The following TYW1 variants were observed in gnomAD, a reference collection of about 807,000 sequenced individuals.
TYW1 encodes tRNA-yW synthesizing protein 1 homolog, also known as S-adenosyl-L-methionine-dependent tRNA 4-demethylwyosine synthase TYW1.
In TYW1, 46 loss-of-function variants were observed where a neutral mutation model predicts 96.2. The ratio of observed to expected loss-of-function variants is 0.48; its 90% CI spans 0.38 to 0.61. The LOEUF (loss-of-function observed/expected upper bound fraction) is 0.61. Ranked by LOEUF, TYW1 falls within the 20% of genes least tolerant of loss-of-function variation. The probability of loss-of-function intolerance (pLI) is 0.00; values close to 1 mark genes in which losing one functional copy is unlikely to be tolerated. For synonymous variants in TYW1, 274 were observed against 323.0 expected (o/e 0.85, Z 1.63); for missense variants, 684 against 909.6 (o/e 0.75, Z 3.19).
intron 15 of TYW1, among the ~76,000 whole-genome samples, chr7:67,200,938 A>C (rs1054106177): frequency 2.0e-5 from 3 of 152,160 alleles, no homozygotes; most frequent in Non-Finnish European, 4.4e-5. Context: ...GGATGGCTGA[A>C]GGTCAAGAGA....
At chr7:67,113,599 G>A (rs182903655) in intron 12 of TYW1, among the ~76,000 whole-genome samples, 1 of 151,836 alleles carries the variant, frequency 6.6e-6, no homozygotes, top group East Asian at 1.9e-4. Context: ...TCTCCTTGAC[G>A]CTTACTGTTT....
chr7:67,083,485 A>G lies in TYW1; in HGVS notation c.1330A>G (p.Met444Val), dbSNP rs1481517523. 4.3e-6 allele frequency: 7 copies of G among 1,614,172 alleles called. No individual in the cohort carries two copies. The highest frequency in any genetic ancestry group is 2.2e-5 in the East Asian group (1 of 44,876). ...EWRWKMDQPE[M>V]ILKEAIENHQ... Reference sequence around the variant, plus strand: ...GCGGTGGAAGATGGACCAGCCTGAAATGATCTTGAAGGAAGCCATTGAAAA... The same window carrying G: ...GCGGTGGAAGATGGACCAGCCTGAAGTGATCTTGAAGGAAGCCATTGAAAA... Residue 444 changes from methionine (M) to valine (V), a missense_variant, in exon 11 of 16, where the codon ATG becomes GTG. By Grantham distance (21) the Met-to-Val change is conservative (BLOSUM62 1). Transcript: ENST00000359626.
At chr7:67,008,228 G>T (rs1793670508) in intron 3 of TYW1, among the ~76,000 whole-genome samples, 2 of 152,176 alleles carry the variant, frequency 1.3e-5, no homozygotes, top group Admixed American at 1.3e-4. Flanking sequence ...GTTTCTGGCC[G>T]TGTCTTCTCC....
At chr7:67,064,219 C>T (rs1341216776) in intron 9 of TYW1, among the ~76,000 whole-genome samples, 2 of 152,258 alleles carry the variant, frequency 1.3e-5, no homozygotes, top group East Asian at 3.9e-4. Flanking sequence ...TTGAAAGACA[C>T]AGGCCCTAGA....
chr7:67,142,977 C>CG (rs1361052419), intron 13 of TYW1, among the ~76,000 whole-genome samples: 1 of 150,504 alleles, frequency 6.6e-6, no homozygotes, highest in East Asian at 2.0e-4. Context: ...CTCTTGAACC[C>CG]GGGGGGCGGA....
At chr7:67,005,087 T>G (rs1194909692) in intron 3 of TYW1, among the ~76,000 whole-genome samples, 1 of 152,134 alleles carries the variant, frequency 6.6e-6, no homozygotes, top group Non-Finnish European at 1.5e-5. Flanking sequence ...ATGCTCAATA[T>G]AGGCCCCAAT....
At chr7:67,143,093 T>C (rs1798501501) in intron 13 of TYW1, among the ~76,000 whole-genome samples, 1 of 152,120 alleles carries the variant, frequency 6.6e-6, no homozygotes, top group Non-Finnish European at 1.5e-5. Flanking sequence ...AGTGGTTTGC[T>C]TCTTAGAATA....
At chr7:67,209,249 C>T (rs1800916321) in intron 15 of TYW1, among the ~76,000 whole-genome samples, 3 of 152,176 alleles carry the variant, frequency 2.0e-5, no homozygotes, top group Non-Finnish European at 4.4e-5. Context: ...AGGAGATGAC[C>T]ACAGTTGCCT....
chr7:67,121,408 G>A (rs1797756610), intron 13 of TYW1, among the ~76,000 whole-genome samples: 1 of 152,146 alleles, frequency 6.6e-6, no homozygotes, highest in African/African-American at 2.4e-5. Context: ...AGGAGTGGTG[G>A]CAGGTACCTG....
rs1447932128 is a variant in TYW1, at chr7:67,062,575, A to AAAAAAAAAAG, written c.1156-4704_1156-4703insAAAGAAAAAA. The stretch of plus-strand genomic sequence containing the variant: ...GAGCGAGACTCCGTCTCAAAAAAAA[A>AAAAAAAAAAG]AAAAAAGAAAAGAAAACACAAATCA... On this transcript the variant is annotated intron_variant, in intron 9 of 15. Coordinates refer to ENST00000359626, the MANE Select transcript of TYW1 (RefSeq NM_018264.4). 3.0e-3 allele frequency among the ~76,000 whole-genome samples: 453 copies of AAAAAAAAAAG among 151,064 alleles called. 7 individuals carry two copies. Among genetic ancestry groups the AAAAAAAAAAG allele is most frequent in the African/African-American group, 0.01 (424 of 41,154 alleles).
intron 6 of TYW1, among the ~76,000 whole-genome samples, chr7:67,021,132 T>A (rs1794248263): frequency 6.6e-6 from 1 of 152,300 alleles, no homozygotes; most frequent in Non-Finnish European, 1.5e-5. Context: ...CCTAGGGGAT[T>A]GTCATACGTT....
chr7:67,117,718 C>T (rs1260790098), intron 13 of TYW1, 100 bp downstream of exon 13: 15 of 1,309,094 alleles, frequency 1.1e-5, no homozygotes, highest in Non-Finnish European at 1.4e-5. Context: ...GGTACTTTTT[C>T]CTCTTTTCTC....
chr7:67,038,112 C>T lies in TYW1; in HGVS notation c.985-11837C>T, dbSNP rs1249879170. On this transcript the variant is annotated intron_variant, in intron 7 of 15. Transcript: ENST00000359626. ...GGTCAGGAGTTCGAGACCAGCCTGG[C>T]TAACATGGTGAAACCCTGTCTCTAC... is the stretch of plus-strand genomic sequence containing the variant. Among the ~76,000 whole-genome samples the T allele has an allele frequency of 3.3e-5, 5 of 150,652 alleles. No individual in the cohort carries two copies. The South Asian group carries it at 8.4e-4, about 25-fold the overall frequency.
At position 67,118,097 on chromosome 7, in the gene TYW1, G is replaced by A. The variant is rs573343243; in HGVS notation, c.1698+479G>A. ...CCCAGTACTTTGGGAGGGCGAGGCAGGTGGATCACTTGAGGTCAGGAGTTC... is the reference window on the plus strand; with the variant it reads ...CCCAGTACTTTGGGAGGGCGAGGCAAGTGGATCACTTGAGGTCAGGAGTTC... On this transcript the variant is annotated intron_variant, in intron 13 of 15. Transcript: ENST00000359626. Among the ~76,000 whole-genome samples, 14 of 152,278 alleles carry A rather than the reference G, an allele frequency of 9.2e-5. No individual in the cohort carries two copies. In the East Asian group the frequency reaches 2.7e-3, roughly 29 times the overall value.
intron 15 of TYW1, among the ~76,000 whole-genome samples, chr7:67,220,872 G>A (rs1308732154): frequency 6.6e-6 from 1 of 151,992 alleles, no homozygotes; most frequent in Non-Finnish European, 1.5e-5. Flanking sequence ...CGAGTAGCTG[G>A]GATTACAGGC....
chr7:67,142,628 C>T (rs1028460251), intron 13 of TYW1, among the ~76,000 whole-genome samples: 18 of 152,096 alleles, frequency 1.2e-4, no homozygotes, highest in African/African-American at 4.1e-4. Context: ...GGCAGGGTTT[C>T]GCCATGTTGG....
intron 13 of TYW1, among the ~76,000 whole-genome samples, chr7:67,164,915 C>A (rs111401833): frequency 0.28 from 41,905 of 150,746 alleles, 6,349 homozygotes; most frequent in African/African-American, 0.4. Context: ...AATAAACATG[C>A]TTATTCATCA....
chr7:67,140,021 A>G (rs1243952922), intron 13 of TYW1, among the ~76,000 whole-genome samples: 1 of 152,066 alleles, frequency 6.6e-6, no homozygotes, highest in Non-Finnish European at 1.5e-5. Flanking sequence ...AAGCCTCGCA[A>G]TCATGATGGA....
chr7:67,063,202 A>G (rs565714797), intron 9 of TYW1, among the ~76,000 whole-genome samples: 2 of 152,218 alleles, frequency 1.3e-5, no homozygotes, highest in African/African-American at 4.8e-5. Flanking sequence ...TCAGTCAGTC[A>G]TATCAATTGA....
Sources: allele counts gnomAD v4.1 joint callset (sites outside exome capture counted in the v4.1 genomes callset), GRCh38; gene constraint gnomAD v4.1.1; transcripts MANE v1.5; gene names NCBI Gene and HGNC (gene_info 2026-07-23, HGNC 2026-07-21).